The following ABI3BP variants were observed in gnomAD, a reference collection of about 807,000 sequenced individuals.
The protein encoded by ABI3BP is target of Nesh-SH3.
Under a neutral mutation model 268.6 loss-of-function variants are expected in ABI3BP, and 216 were observed. That is an observed-to-expected ratio of 0.80 (90% CI 0.72 to 0.90). The LOEUF (loss-of-function observed/expected upper bound fraction) is 0.90. ABI3BP is among the 40% of genes least tolerant of loss of function. ABI3BP has a pLI of 0.00. For synonymous variants in ABI3BP, 730 were observed against 730.0 expected (o/e 1.00, Z 0.00); for missense variants, 2,090 against 2,182.4 (o/e 0.96, Z 0.84).
intron 63 of ABI3BP, among the ~76,000 whole-genome samples, chr3:100,760,893 A>T (rs2170486): frequency 0.43 from 64,794 of 150,270 alleles, 14,310 homozygotes; most frequent in African/African-American, 0.52. Context: ...TTTTTTTTTT[A>T]AATTTTCATT....
chr3:100,890,961 G>A (rs760284888), intron 4 of ABI3BP, among the ~76,000 whole-genome samples: 3 of 149,104 alleles, frequency 2.0e-5, no homozygotes, highest in Admixed American at 6.8e-5. Flanking sequence ...CTTTGGACTC[G>A]TGATAATTTT....
chr3:100,886,043 G>T, intron 5 of ABI3BP, 99 bp downstream of exon 5: 1 of 871,996 alleles, frequency 1.1e-6, no homozygotes, highest in Non-Finnish European at 1.6e-6. Context: ...TTAGGAATTA[G>T]CTTATTTCAT....
intron 2 of ABI3BP, among the ~76,000 whole-genome samples, chr3:100,917,777 A>T (rs2059070627): frequency 6.6e-6 from 1 of 152,214 alleles, no homozygotes; most frequent in Admixed American, 6.5e-5. Context: ...AGACTTGGTG[A>T]CAGTTTATCA....
chr3:100,874,207 G>C (rs1395192778), intron 9 of ABI3BP, among the ~76,000 whole-genome samples: 1 of 151,948 alleles, frequency 6.6e-6, no homozygotes, highest in African/African-American at 2.4e-5. Context: ...GGGGTGGTGG[G>C]CAGCAGTCTT....
intron 14 of ABI3BP, among the ~76,000 whole-genome samples, chr3:100,853,128 T>C (rs1248182901): frequency 6.6e-6 from 1 of 152,224 alleles, no homozygotes; most frequent in Non-Finnish European, 1.5e-5. Context: ...TGACATCCTC[T>C]GAAAGTAGAC....
At chr3:100,931,729 C>A (rs1029291775) in intron 1 of ABI3BP, among the ~76,000 whole-genome samples, 1 of 151,812 alleles carries the variant, frequency 6.6e-6, no homozygotes, top group Non-Finnish European at 1.5e-5. Flanking sequence ...TGGAAAACAT[C>A]TCATGCTCAT....
At chr3:100,825,045 T>A in intron 35 of ABI3BP, 104 bp from the exon 36 acceptor site, 1 of 898,398 alleles carries the variant, frequency 1.1e-6, no homozygotes. Context: ...CCAGAAACTT[T>A]AGTTGTTTTT....
In ABI3BP at chr3:100,749,336, TA is replaced by T. The variant is rs533495818; in HGVS notation, c.*1158del. ...GAAATAACAAACAAAAACTCAATCT[TA>T]AAAAAAAACTACATCTCTTTATTGC... On this transcript the variant is annotated 3_prime_UTR_variant, in exon 68 of 68. Coordinates refer to ENST00000471714, the MANE Select transcript of ABI3BP (RefSeq NM_001375547.2). 0.042 allele frequency: 5,460 copies of T among 129,650 alleles called. 204 individuals are homozygous for T. Among genetic ancestry groups the T allele is most frequent in the African/African-American group, 0.17 (4,164 of 24,770 alleles). 8.0% of individuals were successfully genotyped at this position (129,650 alleles called of 1,614,324 possible). A position where few individuals can be genotyped will look rare whatever the true frequency, so the allele number is the denominator to read the frequency against.
At chr3:100,883,444 A>G (rs1233021488) in intron 6 of ABI3BP, among the ~76,000 whole-genome samples, 1 of 152,180 alleles carries the variant, frequency 6.6e-6, no homozygotes, top group Admixed American at 6.5e-5. Flanking sequence ...CTTAGACTAT[A>G]TAGTTCTAAA....
At chr3:100,943,085 T>C (rs905799717) in intron 1 of ABI3BP, among the ~76,000 whole-genome samples, 2 of 152,160 alleles carry the variant, frequency 1.3e-5, no homozygotes, top group Admixed American at 1.3e-4. Flanking sequence ...ATGTCAGTTA[T>C]GTGTCTTTAA....
chr3:100,802,830 T>C (rs950664449), intron 51 of ABI3BP, among the ~76,000 whole-genome samples: 10 of 147,742 alleles, frequency 6.8e-5, no homozygotes, highest in African/African-American at 2.4e-4. Context: ...AGGATACTAA[T>C]ATACATTAAA....
intron 22 of ABI3BP, 29 bp downstream of exon 22, chr3:100,840,791 C>T (rs779033216): frequency 6.6e-7 from 1 of 1,524,250 alleles, no homozygotes; most frequent in Non-Finnish European, 8.8e-7. Context: ...AAAGAAGAAA[C>T]AAAGGTCACC....
intron 4 of ABI3BP, among the ~76,000 whole-genome samples, chr3:100,889,957 T>C (rs1308207994): frequency 1.3e-5 from 2 of 152,136 alleles, no homozygotes; most frequent in Non-Finnish European, 2.9e-5. Flanking sequence ...TCCACTATCT[T>C]TTAGATCCTT....
At position 100,862,302 on chromosome 3, in the gene ABI3BP, T is replaced by C; in HGVS notation, c.1285+9A>G. On this transcript the variant is annotated intron_variant, in intron 14 of 67. Coordinates refer to ENST00000471714, the MANE Select transcript of ABI3BP (RefSeq NM_001375547.2). ...ATAATCGATTTTTTTAAGAAAAGGA[T>C]TTAATTACCAGTTTGAGGCTGCAGA... The C allele has an allele frequency of 2.5e-6, 4 of 1,575,934 alleles. No homozygotes were observed. Among genetic ancestry groups the C allele is most frequent in the Non-Finnish European group, 3.4e-6 (4 of 1,160,018 alleles).
At chr3:100,863,461 G>A (rs1360242016) in intron 12 of ABI3BP, 7 of 156,238 alleles carry the variant, frequency 4.5e-5, no homozygotes, top group Non-Finnish European at 8.4e-5. Context: ...GATTACAGGC[G>A]CATGCCACCA....
At chr3:100,956,157 C>T (rs1013678407) in intron 1 of ABI3BP, among the ~76,000 whole-genome samples, 1 of 150,690 alleles carries the variant, frequency 6.6e-6, no homozygotes, top group Non-Finnish European at 1.5e-5. Context: ...CCACTGCACT[C>T]TAGCCTGGGC....
chr3:100,885,643 ACT>A (rs2041641342), intron 5 of ABI3BP, 55 bp from the exon 6 acceptor site: 2 of 1,077,664 alleles, frequency 1.9e-6, no homozygotes, highest in Middle Eastern at 4.1e-4. Flanking sequence ...TCCTAAATCA[ACT>A]CTAGCTAATC....
At chr3:100,888,676 T>C (rs1397889731) in intron 4 of ABI3BP, among the ~76,000 whole-genome samples, 2 of 152,130 alleles carry the variant, frequency 1.3e-5, no homozygotes, top group African/African-American at 4.8e-5. Context: ...GCATTTGAAA[T>C]ACCCTCTTAT....
At chr3:100,942,405 G>T (rs1481659638) in intron 1 of ABI3BP, among the ~76,000 whole-genome samples, 1 of 152,058 alleles carries the variant, frequency 6.6e-6, no homozygotes, top group Non-Finnish European at 1.5e-5. Context: ...GGGAAGAAAG[G>T]AGAAAAATAC....
Sources: gnomAD v4.1 joint callset for allele counts (sites outside exome capture counted in the v4.1 genomes callset) on GRCh38, gnomAD v4.1.1 for gene constraint, MANE v1.5 for transcripts, NCBI Gene and HGNC (gene_info 2026-07-23, HGNC 2026-07-21) for gene names.